Variants in ADAR observed in about 807,000 individuals in gnomAD.
The protein encoded by ADAR is double-stranded RNA-specific adenosine deaminase.
A neutral mutation model predicts 113.2 loss-of-function variants in ADAR; 41 were observed. The ratio of observed to expected loss-of-function variants is 0.36; its 90% CI spans 0.28 to 0.47. The LOEUF (loss-of-function observed/expected upper bound fraction) is 0.47. ADAR is among the 20% of genes least tolerant of loss of function. The probability of loss-of-function intolerance (pLI) is 1.00; values close to 1 mark genes in which losing one functional copy is unlikely to be tolerated. For missense variants in ADAR, 1,242 were observed against 1,540.9 expected (o/e 0.81, Z 3.25); for synonymous variants, 605 against 572.6 (o/e 1.06, Z -0.81).
intron 9 of ADAR, 124 bp downstream of exon 9, chr1:154,589,245 G>A (rs1696963061): frequency 1.3e-6 from 1 of 777,464 alleles, no homozygotes; most frequent in South Asian, 1.4e-5. Context: ...AGCAAAGGCT[G>A]CCACTGCCAC....
chr1:154,624,680 C>T (rs1366970466), intron 1 of ADAR, among the ~76,000 whole-genome samples: 1 of 152,162 alleles, frequency 6.6e-6, no homozygotes, highest in African/African-American at 2.4e-5. Flanking sequence ...AACTCTTTAT[C>T]CCTGATGTCA....
intron 1 of ADAR, among the ~76,000 whole-genome samples, chr1:154,616,072 G>A (rs531084037): frequency 6.6e-6 from 1 of 152,282 alleles, no homozygotes; most frequent in East Asian, 1.9e-4. Flanking sequence ...AATTAAGGGG[G>A]GAGGGGGAAC....
chr1:154,594,465 A>C (rs1319296452), intron 6 of ADAR, among the ~76,000 whole-genome samples: 1 of 152,232 alleles, frequency 6.6e-6, no homozygotes, highest in African/African-American at 2.4e-5. Flanking sequence ...TTAGAGATTA[A>C]GAAAACATGC....
chr1:154,592,411 TA>T (rs202035554), intron 6 of ADAR, among the ~76,000 whole-genome samples: 1 of 151,882 alleles, frequency 6.6e-6, no homozygotes, highest in African/African-American at 2.4e-5. Context: ...GTTCCTGTTC[TA>T]AAAAAAATAG....
rs1165959616 is a variant in ADAR, at chr1:154,584,976, A to C, written c.3511T>G (p.Phe1171Val). The change falls in exon 15 of 15, where the codon TTC becomes GTC. Residue 1171 changes from phenylalanine (F) to valine (V), a missense_variant. Physicochemically the swap from Phe to Val is conservative, Grantham distance 50. Around this residue, in one of 2 missense-constraint regions of ADAR, gnomAD observed 780 missense variants for 1,057.9 expected, o/e 0.74. Transcript: ENST00000368474. Reference protein sequence around the residue: ...IFLLFKKLCSFRYRRDLLRLS... With the variant: ...IFLLFKKLCSVRYRRDLLRLS... ...CTCAGTAGATCCCTGCGGTAACGGA[A>C]GGAGCAGAGCTTCTTAAATAGAAGA... is the stretch of plus-strand genomic sequence containing the variant. The C allele has an allele frequency of 6.2e-7, 1 of 1,614,220 alleles. No homozygotes were observed. The highest frequency in any genetic ancestry group is 8.5e-7 in the Non-Finnish European group (1 of 1,180,042).
intron 1 of ADAR, among the ~76,000 whole-genome samples, chr1:154,604,843 C>T (rs1332700303): frequency 6.6e-6 from 1 of 152,238 alleles, no homozygotes; most frequent in African/African-American, 2.4e-5. Flanking sequence ...AGCAAGAGCA[C>T]TCAAATCTAC....
intron 1 of ADAR, among the ~76,000 whole-genome samples, chr1:154,626,477 A>G (rs1324459523): frequency 6.6e-6 from 1 of 152,144 alleles, no homozygotes; most frequent in Non-Finnish European, 1.5e-5. Flanking sequence ...CAGAGAGATT[A>G]TGGATTTTGA....
chr1:154,599,960 G>A (rs746287784), intron 2 of ADAR, among the ~76,000 whole-genome samples: 9 of 152,210 alleles, frequency 5.9e-5, no homozygotes. Flanking sequence ...GCAGAGGGGG[G>A]ATTGTGGACC....
At chr1:154,596,724 T>TA in intron 6 of ADAR, 81 bp downstream of exon 6, 2 of 1,548,254 alleles carry the variant, frequency 1.3e-6, no homozygotes, top group Middle Eastern at 2.3e-4. Flanking sequence ...CCTACACAGC[T>TA]AAAGCACACC....
chr1:154,608,957 C>G (rs555617712), upstream of ADAR: 6 of 152,346 alleles, frequency 3.9e-5, no homozygotes, highest in African/African-American at 1.4e-4. Flanking sequence ...TAAAAAGTAC[C>G]AAGAGTAGCA....
intron 2 of ADAR, chr1:154,600,560 G>A (rs1360631585): frequency 4.9e-6 from 1 of 202,708 alleles, no homozygotes; most frequent in African/African-American, 2.4e-5. Context: ...TGCAACCTCT[G>A]CCTCCTGGGT....
chr1:154,626,884 C>A (rs937453618), intron 1 of ADAR, among the ~76,000 whole-genome samples: 2 of 152,170 alleles, frequency 1.3e-5, no homozygotes, highest in African/African-American at 4.8e-5. Flanking sequence ...TTCAAGAGAT[C>A]TTTAAAAGGA....
At chr1:154,587,986 C>T in intron 11 of ADAR, 139 bp downstream of exon 11, 1 of 1,339,122 alleles carries the variant, frequency 7.5e-7, no homozygotes, top group Non-Finnish European at 1.1e-6. Context: ...GCTCCCTGAC[C>T]CAGGTCTTCC....
chr1:154,602,284 G>C lies in ADAR; in HGVS notation c.358C>G (p.Gln120Glu), dbSNP rs781670344. The C allele has an allele frequency of 6.2e-7, 1 of 1,614,168 alleles. No individual in the cohort carries two copies. The highest frequency in any genetic ancestry group is 8.5e-7 in the Non-Finnish European group (1 of 1,180,014). ...GAGGAAAGGCAATCAACACCTCTCTGTGGCAGACTCCTGCCACGTGGTGAA... is the reference window on the plus strand; with the variant it reads ...GAGGAAAGGCAATCAACACCTCTCTCTGGCAGACTCCTGCCACGTGGTGAA... ...HPSPRGRSLP[Q>E]RGVDCLSSHF... The change falls in exon 2 of 15, where the codon CAG (glutamine) becomes GAG (glutamate). Residue 120 changes from glutamine to glutamate, a missense_variant. By Grantham distance (29) the Gln-to-Glu change is conservative (BLOSUM62 2). Coordinates refer to ENST00000368474, the MANE Select transcript of ADAR (RefSeq NM_001111.5).
chr1:154,584,938 A>C lies in ADAR; in HGVS notation c.3549T>G (p.Gly1183=), dbSNP rs1338308578. Residue 1183 remains glycine (G), a synonymous_variant, in exon 15 of 15, where the codon GGT becomes GGG. Coordinates refer to ENST00000368474, the MANE Select transcript of ADAR (RefSeq NM_001111.5). ...AGTCACGGGCAGCTTTCTTGGCCTCACCATAGGAGAGTCTCAGTAGATCCC... is the reference window on the plus strand; with the variant it reads ...AGTCACGGGCAGCTTTCTTGGCCTCCCCATAGGAGAGTCTCAGTAGATCCC... ...YRRDLLRLSY[G]EAKKAARDYE... is the part of the protein sequence containing the mutation. 3 of 1,614,166 alleles carry C rather than the reference A, an allele frequency of 1.9e-6. No individual in the cohort carries two copies. In the South Asian group the frequency reaches 3.3e-5, roughly 18 times the overall value.
At chr1:154,606,935 T>TAAAAAA (rs3058643) in intron 1 of ADAR, among the ~76,000 whole-genome samples, 82 of 32,614 alleles carry the variant, frequency 2.5e-3, no homozygotes, top group Non-Finnish European at 4.9e-3. Flanking sequence ...AAGGAGTGCT[T>TAAAAAA]AAAAAAAAAA....
At chr1:154,626,121 A>AG (rs1410302807) in intron 1 of ADAR, among the ~76,000 whole-genome samples, 14 of 66,850 alleles carry the variant, frequency 2.1e-4, no homozygotes, top group Admixed American at 9.2e-4. Flanking sequence ...TAATAAAGTG[A>AG]GTTTTTTTTT....
At chr1:154,591,508 C>T (rs992376140) in intron 6 of ADAR, among the ~76,000 whole-genome samples, 1 of 152,202 alleles carries the variant, frequency 6.6e-6, no homozygotes, top group Admixed American at 6.5e-5. Context: ...GCATGAGCTG[C>T]GCTGACAATA....
chr1:154,594,096 G>C lies in ADAR; in HGVS notation c.2270+2709C>G, dbSNP rs184975531. On this transcript the variant is annotated intron_variant, in intron 6 of 14. Transcript: ENST00000368474. The stretch of plus-strand genomic sequence containing the variant: ...GGGGTTTTACCATGTTGGCCAGGCT[G>C]GTCTCAAATTACTGAGCTCAAATGA... Among the ~76,000 whole-genome samples the C allele has an allele frequency of 1.3e-4, 20 of 152,266 alleles. No individual in the cohort carries two copies. The East Asian group carries it at 3.9e-3, about 29-fold the overall frequency.
Sources: gnomAD v4.1 joint callset for allele counts (sites outside exome capture counted in the v4.1 genomes callset) on GRCh38, gnomAD v4.1.1 for gene constraint, gnomAD v4.1.1 regional missense constraint, MANE v1.5 for transcripts, NCBI Gene and HGNC (gene_info 2026-07-23, HGNC 2026-07-21) for gene names.